ILRUN: variants seen among roughly 807,000 people sequenced by gnomAD.
ILRUN encodes inflammation and lipid regulator with UBA-like and NBR1-like domains.
ILRUN carries 3 observed loss-of-function variants against 33.8 expected under a neutral mutation model. The observed-to-expected ratio is 0.09, with a 90% CI of 0.04 to 0.23. The LOEUF is 0.23. Among genes scored for constraint, ILRUN ranks in the 10% least tolerant of loss-of-function variants. The probability of loss-of-function intolerance (pLI) is 1.00; values close to 1 mark genes in which losing one functional copy is unlikely to be tolerated. For synonymous variants in ILRUN, 124 were observed against 138.9 expected (o/e 0.89, Z 0.75); for missense variants, 210 against 375.1 (o/e 0.56, Z 3.64).
intron 3 of ILRUN, among the ~76,000 whole-genome samples, chr6:34,611,597 T>TA (rs1761755924): frequency 6.6e-6 from 1 of 152,214 alleles, no homozygotes; most frequent in Admixed American, 6.5e-5. Context: ...AAAGATGGCC[T>TA]AATAAGCTTG....
chr6:34,661,565 TAAA>T (rs1762887291), intron 1 of ILRUN, among the ~76,000 whole-genome samples: 1 of 152,134 alleles, frequency 6.6e-6, no homozygotes, highest in African/African-American at 2.4e-5. Flanking sequence ...TCAACAGAGA[TAAA>T]AGACCACTGC....
intron 1 of ILRUN, among the ~76,000 whole-genome samples, chr6:34,687,705 A>AAAAAAATATATATATATATATATTTAT: frequency 7.1e-6 from 1 of 141,492 alleles, no homozygotes; most frequent in African/African-American, 2.8e-5. Flanking sequence ...CTCCAAAAAA[A>AAAAAAATATATATATATATATATTTAT]AAAATATATA....
At chr6:34,596,081 G>T in intron 4 of ILRUN, 1 of 210,128 alleles carries the variant, frequency 4.8e-6, no homozygotes, top group Non-Finnish European at 8.3e-6. Flanking sequence ...ACTAGGACCT[G>T]ATCAAACCCA....
At chr6:34,595,104 G>T (rs1761374716) in intron 4 of ILRUN, among the ~76,000 whole-genome samples, 2 of 152,204 alleles carry the variant, frequency 1.3e-5, no homozygotes, top group South Asian at 4.1e-4. Context: ...GAAAATTTAA[G>T]ATCTAGTACT....
At chr6:34,627,711 T>C (rs1274686357) in intron 3 of ILRUN, among the ~76,000 whole-genome samples, 1 of 151,690 alleles carries the variant, frequency 6.6e-6, no homozygotes, top group Admixed American at 6.6e-5. Context: ...GCCCTTTTTT[T>C]TTTTTTTTTG....
At chr6:34,645,614 C>A (rs1762550464) in intron 3 of ILRUN, among the ~76,000 whole-genome samples, 1 of 152,168 alleles carries the variant, frequency 6.6e-6, no homozygotes, top group Non-Finnish European at 1.5e-5. Context: ...TCATGCAATT[C>A]TCCCACTTCA....
chr6:34,679,844 G>A (rs539584567), intron 1 of ILRUN, among the ~76,000 whole-genome samples: 1 of 152,222 alleles, frequency 6.6e-6, no homozygotes. Context: ...TGACTAATAA[G>A]GCAGACACTA....
At chr6:34,612,886 C>CA (rs1466253018) in intron 3 of ILRUN, among the ~76,000 whole-genome samples, 2 of 151,898 alleles carry the variant, frequency 1.3e-5, no homozygotes, top group Non-Finnish European at 2.9e-5. Context: ...ACTAAAAATA[C>CA]AAAAAAATTA....
intron 1 of ILRUN, among the ~76,000 whole-genome samples, chr6:34,662,014 G>A (rs1221433469): frequency 3.4e-5 from 5 of 145,212 alleles, no homozygotes; most frequent in East Asian, 4.2e-4. Flanking sequence ...AGTCCCAGCT[G>A]CTCGGGAGGC....
intron 2 of ILRUN, among the ~76,000 whole-genome samples, chr6:34,650,450 T>A (rs1359549569): frequency 2.1e-5 from 3 of 142,548 alleles, no homozygotes; most frequent in Non-Finnish European, 3.1e-5. Context: ...TTTATTTATT[T>A]ATGAGTCGGA....
At chr6:34,624,159 A>T (rs1762067786) in intron 3 of ILRUN, among the ~76,000 whole-genome samples, 1 of 151,616 alleles carries the variant, frequency 6.6e-6, no homozygotes, top group Non-Finnish European at 1.5e-5. Context: ...TGAATTTACC[A>T]ACCAGTATAA....
intron 1 of ILRUN, among the ~76,000 whole-genome samples, chr6:34,693,674 T>TC (rs1451778453): frequency 6.7e-6 from 1 of 148,860 alleles, no homozygotes; most frequent in Non-Finnish European, 1.5e-5. Flanking sequence ...TTTATTTTAT[T>TC]TTTTTTTTTT....
intron 1 of ILRUN, among the ~76,000 whole-genome samples, chr6:34,696,023 C>T (rs1163271153): frequency 6.6e-6 from 1 of 152,098 alleles, no homozygotes; most frequent in Non-Finnish European, 1.5e-5. Context: ...GCATCCTCAG[C>T]CCCTCACTCC....
chr6:34,642,702 C>T (rs1458729065), intron 3 of ILRUN, among the ~76,000 whole-genome samples: 2 of 149,532 alleles, frequency 1.3e-5, no homozygotes, highest in African/African-American at 4.9e-5. Flanking sequence ...TAACAGTGTT[C>T]TGAGAGCTGG....
intron 2 of ILRUN, among the ~76,000 whole-genome samples, chr6:34,650,331 G>C (rs1304338663): frequency 6.6e-6 from 1 of 151,950 alleles, no homozygotes; most frequent in Non-Finnish European, 1.5e-5. Flanking sequence ...TATGTTATTA[G>C]ATATCTCAGT....
Position 34,629,110 on chromosome 6 carries a change from A to C in ILRUN, c.511+17491T>G, listed in dbSNP as rs567878428. On this transcript the variant is annotated intron_variant, in intron 3 of 4. Transcript: ENST00000374023. ...CAGAGCAAGACTCTGTTTCAAAAAG[A>C]ATATAAAAAGAGAATGAGTATAATT... Among the ~76,000 whole-genome samples the C allele has an allele frequency of 1.1e-4, 16 of 152,326 alleles. No homozygotes were observed. The East Asian group carries it at 2.7e-3, about 26-fold the overall frequency.
intron 3 of ILRUN, among the ~76,000 whole-genome samples, chr6:34,626,721 T>C (rs1451317589): frequency 1.3e-5 from 2 of 152,004 alleles, no homozygotes; most frequent in African/African-American, 2.4e-5. Flanking sequence ...TATATTAATA[T>C]ATCAGGCGGG....
At chr6:34,623,416 T>C (rs1762047848) in intron 3 of ILRUN, among the ~76,000 whole-genome samples, 1 of 152,178 alleles carries the variant, frequency 6.6e-6, no homozygotes, top group Admixed American at 6.6e-5. Flanking sequence ...CTGGTCAGTT[T>C]TGAGAGTTCC....
intron 3 of ILRUN, among the ~76,000 whole-genome samples, chr6:34,640,359 C>G (rs73411957): frequency 0.031 from 4,687 of 151,916 alleles, 195 homozygotes; most frequent in African/African-American, 0.09. Flanking sequence ...TGACTGAATA[C>G]AGCAAAAATT....
Sources: gnomAD v4.1 joint callset for allele counts (sites outside exome capture counted in the v4.1 genomes callset) on GRCh38, gnomAD v4.1.1 for gene constraint, MANE v1.5 for transcripts, NCBI Gene and HGNC (gene_info 2026-07-23, HGNC 2026-07-21) for gene names.